Variants in ZBTB20 observed in about 807,000 individuals in gnomAD.
The protein encoded by ZBTB20 is zinc finger and BTB domain containing 20.
ZBTB20 carries 9 observed loss-of-function variants against 56.9 expected under a neutral mutation model. The observed-to-expected ratio is 0.16, with a 90% CI of 0.10 to 0.28. ZBTB20 has a LOEUF of 0.28. Among genes scored for constraint, ZBTB20 ranks in the 10% least tolerant of loss-of-function variants. ZBTB20 has a pLI of 1.00. For synonymous variants in ZBTB20, 417 were observed against 420.7 expected (o/e 0.99, Z 0.11); for missense variants, 655 against 1,003.0 (o/e 0.65, Z 4.69).
chr3:115,069,866 T>A (rs762208900), intron 2 of ZBTB20, among the ~76,000 whole-genome samples: 6 of 145,786 alleles, frequency 4.1e-5, no homozygotes, highest in East Asian at 2.0e-4. Flanking sequence ...AAAAAAAAAA[T>A]ATTCTTGGGT....
chr3:114,720,599 C>G (rs1489774294), intron 5 of ZBTB20, among the ~76,000 whole-genome samples: 4 of 151,704 alleles, frequency 2.6e-5, no homozygotes, highest in Non-Finnish European at 4.4e-5. Flanking sequence ...AGGGAGACAT[C>G]AAAATAATTC....
At chr3:114,643,069 C>G (rs1301286123) in intron 6 of ZBTB20, among the ~76,000 whole-genome samples, 2 of 152,052 alleles carry the variant, frequency 1.3e-5, no homozygotes, top group Non-Finnish European at 2.9e-5. Flanking sequence ...CCTCTTGTAA[C>G]ATTATTAATC....
chr3:114,468,980 G>A (rs2092653097), intron 7 of ZBTB20, among the ~76,000 whole-genome samples: 1 of 115,280 alleles, frequency 8.7e-6, no homozygotes, highest in African/African-American at 3.4e-5. Context: ...CAGATCTAAT[G>A]TTGTCAGATC....
intron 7 of ZBTB20, among the ~76,000 whole-genome samples, chr3:114,424,205 C>T (rs1351709135): frequency 6.6e-6 from 1 of 152,198 alleles, no homozygotes; most frequent in Non-Finnish European, 1.5e-5. Flanking sequence ...TTTGGGTAAA[C>T]ATGCAATTTA....
chr3:114,795,590 T>G (rs2108821303), intron 5 of ZBTB20, among the ~76,000 whole-genome samples: 1 of 152,210 alleles, frequency 6.6e-6, no homozygotes, highest in African/African-American at 2.4e-5. Context: ...TGATATTATT[T>G]TCTGTCCTTC....
chr3:114,915,640 C>T (rs1314020558), intron 3 of ZBTB20, among the ~76,000 whole-genome samples: 1 of 151,838 alleles, frequency 6.6e-6, no homozygotes, highest in African/African-American at 2.4e-5. Flanking sequence ...GTTTGGTTTA[C>T]TCTTGCTTCT....
Position 114,562,541 on chromosome 3 carries a change from C to T in ZBTB20, c.-294-62150G>A, listed in dbSNP as rs577607947. 6.6e-4 allele frequency among the ~76,000 whole-genome samples: 101 copies of T among 152,318 alleles called. 2 individuals carry two copies. The South Asian group carries it at 0.02, about 30-fold the overall frequency. ...TGCCTTCTTTTCATTAGTGTTTTCA[C>T]TAGAGTAGCACTTTTAATTTCCTTA... On this transcript the variant is annotated intron_variant, in intron 6 of 11. Transcript: ENST00000675478.
Position 114,318,258 on chromosome 3 carries a change from T to C in ZBTB20, c.*20747A>G, listed in dbSNP as rs2078763021. ...AGGAGGTGGGCAAGATCCCTTGTGC[T>C]CAGTGGTCTCTTGCCCCACCTTCCT... On this transcript the variant is annotated 3_prime_UTR_variant, in exon 12 of 12. Transcript: ENST00000675478. The C allele has an allele frequency of 1.3e-5, 2 of 152,260 alleles. No individual in the cohort carries two copies. Among genetic ancestry groups the C allele is most frequent in the African/African-American group, 4.8e-5 (2 of 41,450 alleles). 9.4% of individuals were successfully genotyped at this position (152,260 alleles called of 1,614,324 possible).
At chr3:114,583,845 G>T (rs2054904004) in intron 6 of ZBTB20, among the ~76,000 whole-genome samples, 1 of 152,140 alleles carries the variant, frequency 6.6e-6, no homozygotes. Flanking sequence ...GACTGTCTTT[G>T]TTTAAAATAA....
intron 7 of ZBTB20, among the ~76,000 whole-genome samples, chr3:114,499,908 G>T (rs2043751038): frequency 6.6e-6 from 1 of 152,070 alleles, no homozygotes; most frequent in Non-Finnish European, 1.5e-5. Flanking sequence ...AGGGATATTA[G>T]AAATTTTGTC....
chr3:114,832,719 T>G (rs565195869), intron 4 of ZBTB20, among the ~76,000 whole-genome samples: 1 of 152,278 alleles, frequency 6.6e-6, no homozygotes, highest in East Asian at 1.9e-4. Context: ...GCTATGATAT[T>G]TCAAATCTTA....
intron 3 of ZBTB20, among the ~76,000 whole-genome samples, chr3:114,967,478 T>G (rs976483462): frequency 6.6e-6 from 1 of 152,210 alleles, no homozygotes; most frequent in African/African-American, 2.4e-5. Flanking sequence ...CAAAAACTAC[T>G]TGAACAGTTT....
At chr3:114,556,465 C>T (rs2051235306) in intron 6 of ZBTB20, among the ~76,000 whole-genome samples, 1 of 149,660 alleles carries the variant, frequency 6.7e-6, no homozygotes, top group African/African-American at 2.6e-5. Context: ...ATGTAGCATC[C>T]ATATGAAGTC....
At chr3:114,683,547 T>C (rs1014591002) in intron 6 of ZBTB20, among the ~76,000 whole-genome samples, 1 of 151,056 alleles carries the variant, frequency 6.6e-6, no homozygotes, top group African/African-American at 2.4e-5. Flanking sequence ...TAATAAGGAT[T>C]GACAATAATA....
At chr3:115,048,563 A>C (rs529562076) in intron 2 of ZBTB20, among the ~76,000 whole-genome samples, 17 of 152,308 alleles carry the variant, frequency 1.1e-4, no homozygotes, top group Admixed American at 2.0e-4. Flanking sequence ...ATCTTGACTA[A>C]ATTAAAACAA....
At chr3:114,948,422 GCAACAAGT>G (rs1199569574) in intron 3 of ZBTB20, among the ~76,000 whole-genome samples, 1 of 146,082 alleles carries the variant, frequency 6.8e-6, no homozygotes, top group Admixed American at 6.6e-5. Context: ...CCTAGCTAGT[GCAACAAGT>G]CAAAAACACT....
At chr3:114,776,302 T>A (rs1206762245) in intron 5 of ZBTB20, among the ~76,000 whole-genome samples, 1 of 151,800 alleles carries the variant, frequency 6.6e-6, no homozygotes, top group Non-Finnish European at 1.5e-5. Context: ...AAATTAAGAA[T>A]TTTGACATAT....
chr3:114,723,085 A>T (rs766292361), intron 5 of ZBTB20, among the ~76,000 whole-genome samples: 1 of 152,192 alleles, frequency 6.6e-6, no homozygotes, highest in South Asian at 2.1e-4. Flanking sequence ...GGTGTCCCCA[A>T]ATCTGTCTAA....
chr3:114,943,835 T>C (rs1180514014), intron 3 of ZBTB20, among the ~76,000 whole-genome samples: 3 of 142,116 alleles, frequency 2.1e-5, no homozygotes, highest in Admixed American at 1.4e-4. Flanking sequence ...TTTTCCAAAA[T>C]TGGCAAAAGC....
Sources: gnomAD v4.1 joint callset for allele counts (sites outside exome capture counted in the v4.1 genomes callset) on GRCh38, gnomAD v4.1.1 for gene constraint, MANE v1.5 for transcripts, NCBI Gene and HGNC (gene_info 2026-07-23, HGNC 2026-07-21) for gene names.